The following CHD1L variants were observed in gnomAD, a reference collection of about 807,000 sequenced individuals.
The protein encoded by CHD1L is ATP-dependent chromatin remodeler CHD1L.
CHD1L carries 118 observed loss-of-function variants against 115.9 expected under a neutral mutation model. The ratio of observed to expected loss-of-function variants is 1.02; its 90% CI spans 0.88 to 1.19. The LOEUF (loss-of-function observed/expected upper bound fraction) is 1.19, where lower values mean the gene tolerates loss of function less well. Ranked by LOEUF, CHD1L falls within the 50% of genes most tolerant of loss-of-function variation. The pLI, the probability that CHD1L is intolerant of heterozygous loss-of-function variation, is 0.00. For synonymous variants in CHD1L, 411 were observed against 387.1 expected (o/e 1.06, Z -0.72); for missense variants, 1,179 against 1,065.3 (o/e 1.11, Z -1.49).
At chr1:147,227,507 T>TATTAAAATTAAA in the CHD1L span, among the ~76,000 whole-genome samples, 2 of 152,246 alleles carry the variant, frequency 1.3e-5, no homozygotes, top group South Asian at 4.1e-4. Flanking sequence ...TTTTGTGTTG[T>TATTAAAATTAAA]ATTAAAATTA....
At chr1:147,249,474 C>G (rs1667702113) in intron 1 of CHD1L, among the ~76,000 whole-genome samples, 1 of 134,974 alleles carries the variant, frequency 7.4e-6, no homozygotes, top group African/African-American at 2.8e-5. Context: ...GGCGCTATCT[C>G]AGCTCACTGC....
At chr1:147,229,976 C>A in the CHD1L span, among the ~76,000 whole-genome samples, 2 of 146,898 alleles carry the variant, frequency 1.4e-5, no homozygotes, top group Non-Finnish European at 1.5e-5. Flanking sequence ...TTGACTTCCT[C>A]TTTTCCTAAT....
At chr1:147,219,298 A>T in the CHD1L span, among the ~76,000 whole-genome samples, 1 of 152,202 alleles carries the variant, frequency 6.6e-6, no homozygotes, top group African/African-American at 2.4e-5. Flanking sequence ...CCTGTTAGAC[A>T]TGTCTCTTTT....
At chr1:147,187,215 CTGA>C in the CHD1L span, 13 of 1,613,116 alleles carry the variant, frequency 8.1e-6, no homozygotes, top group Admixed American at 2.2e-4. Context: ...TGTAGTCTCC[CTGA>C]ATGGTATGGC....
chr1:147,177,479 T>C, the CHD1L span, among the ~76,000 whole-genome samples: 1 of 152,084 alleles, frequency 6.6e-6, no homozygotes, highest in Non-Finnish European at 1.5e-5. Context: ...CCCATAAGCA[T>C]GAGTCAAGCC....
the CHD1L span, among the ~76,000 whole-genome samples, chr1:147,232,893 G>T: frequency 6.6e-6 from 1 of 152,170 alleles, no homozygotes; most frequent in Non-Finnish European, 1.5e-5. Context: ...CCAAAGTGCC[G>T]AAAGTGCAGC....
At chr1:147,263,973 TCTTA>T (rs1553946045) in intron 6 of CHD1L, among the ~76,000 whole-genome samples, 1 of 152,202 alleles carries the variant, frequency 6.6e-6, no homozygotes, top group Non-Finnish European at 1.5e-5. Flanking sequence ...CTATTATAAA[TCTTA>T]CTTATTGCTT....
chr1:147,284,325 T>C (rs1553963752), intron 15 of CHD1L, 26 bp from the exon 16 acceptor site: 3 of 1,519,742 alleles, frequency 2.0e-6, no homozygotes, highest in Middle Eastern at 1.8e-4. Context: ...ATCTAACATT[T>C]CTCTCTTTGT....
intron 19 of CHD1L, among the ~76,000 whole-genome samples, chr1:147,288,143 A>G (rs1179854342): frequency 1.4e-4 from 22 of 151,818 alleles, no homozygotes; most frequent in African/African-American, 5.1e-4. Flanking sequence ...TGGGCAACAT[A>G]GTGAGATCCT....
chr1:147,285,336 G>C lies in CHD1L; in HGVS notation c.1867G>C (p.Gly623Arg). ...GTTCTTCCTCTAGGTTCTCATCCCA[G>C]GCCTTGTGGAGGGATCTACCAAAAG... ...LRNKGSVLIP[G>R]LVEGSTKRKR... Residue 623 changes from glycine to arginine, a missense_variant, in exon 17 of 23, where the codon GGC becomes CGC. Coordinates refer to ENST00000369258, the MANE Select transcript of CHD1L (RefSeq NM_004284.6). 6.2e-7 allele frequency: 1 copy of C among 1,612,400 alleles called. No homozygotes were observed. Among genetic ancestry groups the C allele is most frequent in the South Asian group, 1.1e-5 (1 of 90,748 alleles).
chr1:147,227,916 G>T, the CHD1L span, among the ~76,000 whole-genome samples: 1 of 151,678 alleles, frequency 6.6e-6, no homozygotes, highest in African/African-American at 2.4e-5. Context: ...TCTTTTGGAG[G>T]CCCCCTTTGT....
the CHD1L span, among the ~76,000 whole-genome samples, chr1:147,214,605 C>A: frequency 6.6e-4 from 100 of 152,232 alleles, no homozygotes; most frequent in African/African-American, 2.3e-3. Context: ...TAGACTCCTA[C>A]TCATCCTTCA....
the CHD1L span, chr1:147,178,253 TCATGCTCGTCGA>T: frequency 6.2e-7 from 1 of 1,613,590 alleles, no homozygotes; most frequent in Non-Finnish European, 8.5e-7. Flanking sequence ...TCTGCGGGCC[TCATGCTCGTCGA>T]GTTCTTCGCC....
intron 1 of CHD1L, among the ~76,000 whole-genome samples, chr1:147,247,188 G>T (rs1666894630): frequency 6.6e-6 from 1 of 152,124 alleles, no homozygotes; most frequent in African/African-American, 2.4e-5. Flanking sequence ...AACATACTCT[G>T]TACAATTTCA....
the CHD1L span, among the ~76,000 whole-genome samples, chr1:147,231,217 C>T: frequency 2.0e-5 from 3 of 152,120 alleles, no homozygotes; most frequent in Non-Finnish European, 2.9e-5. Context: ...TCTTTGTTCT[C>T]GTTGGTTTCA....
intron 19 of CHD1L, among the ~76,000 whole-genome samples, chr1:147,288,344 A>G (rs1312457356): frequency 7.0e-3 from 34 of 4,860 alleles, no homozygotes; most frequent in Non-Finnish European, 0.051. Flanking sequence ...AAAAAAAAAA[A>G]AAGAAAAAGA....
At position 147,265,975 on chromosome 1, in the gene CHD1L, A is replaced by C. The variant is rs781839886; in HGVS notation, c.783A>C (p.Arg261=). 26 of 1,613,666 alleles carry C rather than the reference A, an allele frequency of 1.6e-5. No homozygotes were observed. In the African/African-American group the frequency reaches 3.3e-4, roughly 21 times the overall value. The change falls in exon 8 of 23, where the codon CGA becomes CGC. Residue 261 remains arginine (R), a synonymous_variant. Transcript: ENST00000369258. ...HKLLQPFLLR[R]VKAEVATELP... ...TCTTGCAGCCATTTCTGCTGAGGCG[A>C]GTGAAAGCTGAGGTAGCTACAGAGC...
intron 9 of CHD1L, among the ~76,000 whole-genome samples, chr1:147,268,286 G>C (rs1674755562): frequency 6.6e-6 from 1 of 152,108 alleles, no homozygotes. Context: ...CTTGGAGCAA[G>C]CACTCCTGTG....
At chr1:147,231,558 T>A in the CHD1L span, among the ~76,000 whole-genome samples, 6 of 152,266 alleles carry the variant, frequency 3.9e-5, no homozygotes, top group Admixed American at 3.9e-4. Flanking sequence ...TTCCTGTATA[T>A]CCTTGTTAAT....
Sources: gnomAD v4.1 joint callset for allele counts (sites outside exome capture counted in the v4.1 genomes callset) on GRCh38, gnomAD v4.1.1 for gene constraint, MANE v1.5 for transcripts, NCBI Gene and HGNC (gene_info 2026-07-23, HGNC 2026-07-21) for gene names.